The following LYPLAL1 variants were observed in gnomAD, a reference collection of about 807,000 sequenced individuals.
LYPLAL1 encodes the protein lysophospholipase like 1, also known as lysophospholipase-like protein 1.
In LYPLAL1, 23 loss-of-function variants were observed where a neutral mutation model predicts 19.7. The ratio of observed to expected loss-of-function variants is 1.17; its 90% CI spans 0.84 to 1.65. The LOEUF is 1.65. Ranked by LOEUF, LYPLAL1 falls within the 40% of genes most tolerant of loss-of-function variation. The pLI is 0.00. For synonymous variants in LYPLAL1, 119 were observed against 96.3 expected (o/e 1.24, Z -1.38); for missense variants, 355 against 279.4 (o/e 1.27, Z -1.93).
intron 2 of LYPLAL1, among the ~76,000 whole-genome samples, chr1:219,185,270 A>G (rs1381160857): frequency 6.6e-6 from 1 of 151,558 alleles, no homozygotes; most frequent in Non-Finnish European, 1.5e-5. Context: ...AATAATTTGT[A>G]TATTTTCTCT....
chr1:219,175,166 T>TA (rs1655710077), intron 1 of LYPLAL1: 2 of 882,424 alleles, frequency 2.3e-6, no homozygotes, highest in African/African-American at 3.6e-5. Flanking sequence ...TCTTAGCTGT[T>TA]ACTGTGAGTA....
At chr1:219,177,665 T>A (rs2125018644) in intron 1 of LYPLAL1, among the ~76,000 whole-genome samples, 1 of 152,332 alleles carries the variant, frequency 6.6e-6, no homozygotes, top group Middle Eastern at 3.4e-3. Flanking sequence ...CAATCTCTAT[T>A]AATTTTACCA....
chr1:219,324,189 A>G, the LYPLAL1 span, among the ~76,000 whole-genome samples: 1 of 152,238 alleles, frequency 6.6e-6, no homozygotes, highest in African/African-American at 2.4e-5. Context: ...AAAAGAAACT[A>G]GATGCCAGTT....
the LYPLAL1 span, among the ~76,000 whole-genome samples, chr1:219,293,057 G>A: frequency 6.6e-6 from 1 of 152,182 alleles, no homozygotes; most frequent in Non-Finnish European, 1.5e-5. Context: ...AGATTCAGTG[G>A]TAAGGAAACC....
At chr1:219,391,714 G>A in the LYPLAL1 span, among the ~76,000 whole-genome samples, 1 of 152,072 alleles carries the variant, frequency 6.6e-6, no homozygotes, top group East Asian at 1.9e-4. Flanking sequence ...TATTTTTAAA[G>A]CCACTCTATT....
the LYPLAL1 span, among the ~76,000 whole-genome samples, chr1:219,247,810 C>T: frequency 7.9e-5 from 12 of 151,344 alleles, no homozygotes; most frequent in Non-Finnish European, 1.8e-4. Flanking sequence ...CCATGTTAGA[C>T]TTTTTTTTTA....
the LYPLAL1 span, among the ~76,000 whole-genome samples, chr1:219,223,973 C>T: frequency 6.6e-6 from 1 of 152,026 alleles, no homozygotes; most frequent in African/African-American, 2.4e-5. Flanking sequence ...TTCTTCCCTA[C>T]CCTGATTTTT....
chr1:219,193,392 G>C, intron 3 of LYPLAL1, 141 bp downstream of exon 3: 1 of 494,424 alleles, frequency 2.0e-6, no homozygotes, highest in Non-Finnish European at 3.3e-6. Context: ...TACATATTGA[G>C]GATTTCAAAG....
chr1:219,209,250 T>C (rs1385531501), intron 3 of LYPLAL1, among the ~76,000 whole-genome samples: 1 of 152,112 alleles, frequency 6.6e-6, no homozygotes, highest in East Asian at 1.9e-4. Context: ...TAGTGTGCCT[T>C]TTTTAAAAAA....
At chr1:219,373,758 AC>A in the LYPLAL1 span, among the ~76,000 whole-genome samples, 11 of 151,760 alleles carry the variant, frequency 7.2e-5, no homozygotes, top group Admixed American at 2.6e-4. Flanking sequence ...AATGGAAGAG[AC>A]TTTTTACATT....
At chr1:219,257,427 G>A in the LYPLAL1 span, among the ~76,000 whole-genome samples, 7 of 148,590 alleles carry the variant, frequency 4.7e-5, no homozygotes, top group African/African-American at 1.7e-4. Flanking sequence ...TTTAATGTAG[G>A]TTCTTTCTAT....
chr1:219,181,220 G>A (rs1373358922), intron 2 of LYPLAL1, among the ~76,000 whole-genome samples: 5 of 151,872 alleles, frequency 3.3e-5, no homozygotes, highest in South Asian at 2.1e-4. Flanking sequence ...TTACATGTAC[G>A]ACACATCTTA....
the LYPLAL1 span, among the ~76,000 whole-genome samples, chr1:219,229,167 T>C: frequency 2.2e-4 from 33 of 151,946 alleles, no homozygotes; most frequent in African/African-American, 8.0e-4. Context: ...GGTATGTAAA[T>C]ATTTCTTCCG....
chr1:219,380,301 G>A, the LYPLAL1 span, among the ~76,000 whole-genome samples: 1 of 152,176 alleles, frequency 6.6e-6, no homozygotes, highest in Non-Finnish European at 1.5e-5. Flanking sequence ...TGGTGTGGGT[G>A]GGACGCTGTA....
At chr1:219,358,411 T>C in the LYPLAL1 span, among the ~76,000 whole-genome samples, 1 of 152,198 alleles carries the variant, frequency 6.6e-6, no homozygotes, top group Non-Finnish European at 1.5e-5. Context: ...ATGTATACTA[T>C]TTAAGTGAAA....
chr1:219,217,613 C>A (rs1659341750), downstream of LYPLAL1, among the ~76,000 whole-genome samples: 1 of 152,110 alleles, frequency 6.6e-6, no homozygotes, highest in African/African-American at 2.4e-5. Context: ...CAATTATCTA[C>A]TCCTCATTCA....
chr1:219,327,980 G>C, the LYPLAL1 span, among the ~76,000 whole-genome samples: 1 of 152,096 alleles, frequency 6.6e-6, no homozygotes, highest in Non-Finnish European at 1.5e-5. Flanking sequence ...CTAATACATA[G>C]GAAAATTGAT....
chr1:219,401,228 A>G, the LYPLAL1 span, among the ~76,000 whole-genome samples: 2 of 151,612 alleles, frequency 1.3e-5, no homozygotes, highest in Admixed American at 6.6e-5. Context: ...AATACTGTTT[A>G]TTTATTTGGC....
chr1:219,277,064 C>A, the LYPLAL1 span, among the ~76,000 whole-genome samples: 3 of 152,068 alleles, frequency 2.0e-5, no homozygotes, highest in East Asian at 5.8e-4. Flanking sequence ...CAGTAGATAT[C>A]AGAGGTCTGG....
Sources: allele counts gnomAD v4.1 joint callset (sites outside exome capture counted in the v4.1 genomes callset), GRCh38; gene constraint gnomAD v4.1.1; transcripts MANE v1.5; gene names NCBI Gene and HGNC (gene_info 2026-07-23, HGNC 2026-07-21).